Variants in NDUFA11 observed in about 807,000 individuals in gnomAD.
NDUFA11 encodes the protein NADH dehydrogenase [ubiquinone] 1 alpha subcomplex subunit 11.
In NDUFA11, 14 loss-of-function variants were observed where a neutral mutation model predicts 11.3. The observed-to-expected ratio is 1.24, with a 90% CI of 0.82 to 1.94. The LOEUF is 1.94. NDUFA11 is among the 30% of genes most tolerant of loss of function. The pLI is 0.00. For missense variants in NDUFA11, 204 were observed against 200.3 expected (o/e 1.02, Z -0.11); for synonymous variants, 87 against 85.6 (o/e 1.02, Z -0.09).
intron 3 of NDUFA11, chr19:5,895,095 C>A (rs563397454): frequency 7.4e-6 from 4 of 542,432 alleles, no homozygotes; most frequent in Admixed American, 6.3e-5. Context: ...GTCCTCATCC[C>A]GCCCCACACT....
Position 5,896,882 on chromosome 19 carries a change from C to CT in NDUFA11, c.190+22_190+23insA, listed in dbSNP as rs1407041160. On this transcript the variant is annotated intron_variant, in intron 2 of 3. Transcript: ENST00000308961. This position sits in a 1 kb window ranked among gnomAD's most constrained non-coding sequence, Gnocchi z 5.8. Reference sequence around the variant, plus strand: ...GGGCTGTGCCAGGAGAGGGCCCAGCCATGCCCAGCCCAGCGTGCTCACCTG... The same window carrying CT: ...GGGCTGTGCCAGGAGAGGGCCCAGCCTATGCCCAGCCCAGCGTGCTCACCTG... The CT allele has an allele frequency of 1.3e-6, 2 of 1,595,566 alleles. No individual in the cohort carries two copies. The highest frequency in any genetic ancestry group is 2.7e-5 in the African/African-American group (2 of 74,544).
chr19:5,899,086 C>T lies in NDUFA11; in HGVS notation c.98-2089G>A, dbSNP rs2057628316. Among the ~76,000 whole-genome samples the T allele has an allele frequency of 3.3e-5, 5 of 151,758 alleles. No individual in the cohort carries two copies. The South Asian group carries it at 8.3e-4, about 25-fold the overall frequency. ...GTGCACACACACACACACACACATC[C>T]CCCCCTTCCAAATTCTTTTATGTAT... On this transcript the variant is annotated intron_variant, in intron 1 of 3. Coordinates refer to ENST00000308961, the MANE Select transcript of NDUFA11 (RefSeq NM_175614.5).
intron 1 of NDUFA11, chr19:5,901,577 C>G (rs2057645614): frequency 1.5e-6 from 1 of 663,176 alleles, no homozygotes; most frequent in South Asian, 1.8e-5. Context: ...TTTGGCCGGG[C>G]CCTGTTTCAC....
chr19:5,896,200 G>A lies in NDUFA11; in HGVS notation c.313+253C>T. The A allele has an allele frequency of 1.7e-6, 1 of 600,074 alleles. No homozygotes were observed. The highest frequency in any genetic ancestry group is 3.0e-6 in the Non-Finnish European group (1 of 337,824). The allele number at this position is 600,074 out of a possible 1,614,324, so 37.2% of individuals were successfully genotyped here. A position where few individuals can be genotyped will look rare whatever the true frequency, so the allele number is the denominator to read the frequency against. Reference sequence around the variant, plus strand: ...GGACTGTACCTGGCATGTGGGAGGAGCAGTGAGGAGGCCCGTGTGGCTGGA... The same window carrying A: ...GGACTGTACCTGGCATGTGGGAGGAACAGTGAGGAGGCCCGTGTGGCTGGA... On this transcript the variant is annotated intron_variant, in intron 3 of 3. Transcript: ENST00000308961. The surrounding 1 kb of genome is among the most constrained non-coding windows in gnomAD (Gnocchi z 5.8).
intron 1 of NDUFA11, among the ~76,000 whole-genome samples, chr19:5,898,514 G>T (rs1232764205): frequency 6.6e-6 from 1 of 152,218 alleles, no homozygotes; most frequent in Non-Finnish European, 1.5e-5. Context: ...CATATAAAGA[G>T]TACCTTGTGG....
At chr19:5,899,110 A>G (rs1202346173) in intron 1 of NDUFA11, among the ~76,000 whole-genome samples, 1 of 148,542 alleles carries the variant, frequency 6.7e-6, no homozygotes, top group Non-Finnish European at 1.5e-5. Flanking sequence ...TCTTTTATGT[A>G]TTTACTAATT....
chr19:5,902,030 CAGT>C (rs2057649432), intron 1 of NDUFA11, among the ~76,000 whole-genome samples: 1 of 151,860 alleles, frequency 6.6e-6, no homozygotes, highest in Non-Finnish European at 1.5e-5. Context: ...GGCTGGAGTG[CAGT>C]GGCACAATCT....
intron 3 of NDUFA11, chr19:5,895,546 C>G (rs1331450521): frequency 6.5e-6 from 1 of 152,854 alleles, no homozygotes; most frequent in African/African-American, 2.4e-5. Context: ...GTACGCCCTG[C>G]CCTCGCACCC....
chr19:5,903,571 C>G lies in NDUFA11; in HGVS notation c.97+41G>C. ...CCCCAGTAACCCCACGACCTCCCTGCGGCCTCGGCCCTCCACCCTCGGGGC... is the reference window on the plus strand; with the variant it reads ...CCCCAGTAACCCCACGACCTCCCTGGGGCCTCGGCCCTCCACCCTCGGGGC... On this transcript the variant is annotated intron_variant, in intron 1 of 3. Transcript: ENST00000308961. 4 of 1,528,136 alleles carry G rather than the reference C, an allele frequency of 2.6e-6. 1 individual carries two copies. Among genetic ancestry groups the G allele is most frequent in the African/African-American group, 2.7e-5 (2 of 72,782 alleles). 94.7% of individuals were successfully genotyped at this position (1,528,136 alleles called of 1,614,324 possible). A position where few individuals can be genotyped will look rare whatever the true frequency, so the allele number is the denominator to read the frequency against.
chr19:5,893,771 A>G (rs1250870935), downstream of NDUFA11, among the ~76,000 whole-genome samples: 1 of 152,192 alleles, frequency 6.6e-6, no homozygotes, highest in Admixed American at 6.5e-5. This position sits in a 1 kb window ranked among gnomAD's most constrained non-coding sequence, Gnocchi z 4.1. Flanking sequence ...GGCTTTTCAC[A>G]TCTAGGCCCC....
intron 1 of NDUFA11, 100 bp downstream of exon 1, chr19:5,903,512 C>T: frequency 8.5e-7 from 1 of 1,172,052 alleles, no homozygotes; most frequent in South Asian, 1.4e-5. Context: ...CGTGCGTACC[C>T]GCGAGACTCC....
In NDUFA11 at chr19:5,896,493, G is replaced by A. The variant is rs1364590768; in HGVS notation, c.273C>T (p.Phe91=). The A allele has an allele frequency of 1.3e-6, 2 of 1,574,732 alleles. No individual in the cohort carries two copies. Among genetic ancestry groups the A allele is most frequent in the Admixed American group, 3.8e-5 (2 of 53,028 alleles). Residue 91 remains phenylalanine, a synonymous_variant, in exon 3 of 4, where the codon TTC becomes TTT. Coordinates refer to ENST00000308961, the MANE Select transcript of NDUFA11 (RefSeq NM_175614.5). This position sits in a 1 kb window ranked among gnomAD's most constrained non-coding sequence, Gnocchi z 5.8. ...REKPDDPLNY[F]LGGCAGGLTL... is the part of the protein sequence containing the mutation. ...TCAGGCCTCCGGCGCAGCCACCGAG[G>A]AAGTAGTTCAGGGGGTCGTCGGGCT...
chr19:5,901,603 A>G (rs933513719), intron 1 of NDUFA11: 12 of 413,022 alleles, frequency 2.9e-5, no homozygotes, highest in Non-Finnish European at 4.7e-5. Context: ...CTGGAAATAC[A>G]GAGTTGACCA....
At chr19:5,892,906 C>G, downstream of NDUFA11, 3 of 1,436,058 alleles carry the variant, frequency 2.1e-6, no homozygotes, top group Non-Finnish European at 2.7e-6. Context: ...GAGGACAGAA[C>G]AAGGAAAGAA....
Position 5,903,669 on chromosome 19 carries a change from C to CG in NDUFA11, c.39dup (p.Asp14ArgfsTer38). On this transcript the variant is annotated frameshift_variant, in exon 1 of 4. Coordinates refer to ENST00000308961, the MANE Select transcript of NDUFA11 (RefSeq NM_175614.5). LOFTEE classifies it high-confidence loss of function. ...GCTTTGCGGTGGCAATCGGTGCCAT[C>CG]GGGGATATCCCAGTACTGACGAAAA... 1 of 1,551,528 alleles carries CG rather than the reference C, an allele frequency of 6.4e-7. No individual in the cohort carries two copies. The highest frequency in any genetic ancestry group is 8.7e-7 in the Non-Finnish European group (1 of 1,146,922).
In NDUFA11 at chr19:5,896,928, A is replaced by G. The variant is rs1263339400; in HGVS notation, c.167T>C (p.Val56Ala). The G allele has an allele frequency of 1.2e-5, 20 of 1,613,826 alleles. No individual in the cohort carries two copies. Among genetic ancestry groups the G allele is most frequent in the Admixed American group, 1.7e-5 (1 of 59,982 alleles). Residue 56 changes from valine (V) to alanine (A), a missense_variant, in exon 2 of 4, where the codon GTT becomes GCT. Coordinates refer to ENST00000308961, the MANE Select transcript of NDUFA11 (RefSeq NM_175614.5). This position sits in a 1 kb window ranked among gnomAD's most constrained non-coding sequence, Gnocchi z 5.8. ...PGTFLEGVAK[V>A]GQYTFTAAAV... ...ACCTGCAGTGAACGTGTATTGTCCAACCTTAGCCACTCCTTCAAGGAAGGT... is the reference window on the plus strand; with the variant it reads ...ACCTGCAGTGAACGTGTATTGTCCAGCCTTAGCCACTCCTTCAAGGAAGGT...
Position 5,894,843 on chromosome 19 carries a change from C to A in NDUFA11, c.325G>T (p.Gly109Trp). The change falls in exon 4 of 4, where the codon GGG becomes TGG. Residue 109 changes from glycine (G) to tryptophan (W), a missense_variant. Physicochemically the swap from Gly to Trp is radical, Grantham distance 184 (BLOSUM62 -2). Coordinates refer to ENST00000308961, the MANE Select transcript of NDUFA11 (RefSeq NM_175614.5). ...TACACGCAGGCGGCGGCGCCAATCC[C>A]GTAGTTGTGCGCTGTGGGAGTGGGG... ...LTLGARTHNY[G>W]IGAAACVYFG... The A allele has an allele frequency of 6.2e-7, 1 of 1,607,220 alleles. No individual in the cohort carries two copies.
intron 1 of NDUFA11, among the ~76,000 whole-genome samples, chr19:5,900,514 A>G (rs910525141): frequency 1.3e-5 from 2 of 152,220 alleles, no homozygotes; most frequent in Admixed American, 6.5e-5. Context: ...TATCTCCCTC[A>G]GATGAGAAGT....
chr19:5,901,325 C>G, intron 1 of NDUFA11: 1 of 1,281,964 alleles, frequency 7.8e-7, no homozygotes, highest in Non-Finnish European at 1.0e-6. Context: ...TGAAGACCCT[C>G]GATAAGGACC....
Sources: gnomAD v4.1 joint callset for allele counts (sites outside exome capture counted in the v4.1 genomes callset) on GRCh38, gnomAD v4.1.1 for gene constraint, Gnocchi (gnomAD v3.1) non-coding constraint, MANE v1.5 for transcripts, NCBI Gene and HGNC (gene_info 2026-07-23, HGNC 2026-07-21) for gene names.